The following FETUB variants were observed in gnomAD, a reference collection of about 807,000 sequenced individuals.
FETUB encodes fetuin-B.
A neutral mutation model predicts 30.9 loss-of-function variants in FETUB; 28 were observed. The observed-to-expected ratio is 0.90, with a 90% CI of 0.67 to 1.24. The LOEUF (loss-of-function observed/expected upper bound fraction) is 1.24, where lower values mean the gene tolerates loss of function less well. Among genes scored for constraint, FETUB ranks in the 50% most tolerant of loss-of-function variants. The pLI is 0.00. For missense variants in FETUB, 469 were observed against 455.3 expected (o/e 1.03, Z -0.27); for synonymous variants, 186 against 175.9 (o/e 1.06, Z -0.45).
intron 3 of FETUB, among the ~76,000 whole-genome samples, chr3:186,644,181 C>A (rs1483403179): frequency 6.6e-6 from 1 of 152,144 alleles, no homozygotes; most frequent in Non-Finnish European, 1.5e-5. Context: ...TAACTGTAGT[C>A]ATCCTACAGT....
Position 186,651,430 on chromosome 3 carries a change from G to A in FETUB, c.780+129G>A, listed in dbSNP as rs878872488. The A allele has an allele frequency of 1.2e-5, 8 of 682,806 alleles. No individual in the cohort carries two copies. The Admixed American group carries it at 1.5e-4, about 13-fold the overall frequency. 42.3% of individuals were successfully genotyped at this position (682,806 alleles called of 1,614,324 possible). ...CTCACCACTTTGCGCAGGCTAGCCT[G>A]AGTCCACATCCACAGGATAGCCAGT... On this transcript the variant is annotated intron_variant, in intron 6 of 6. Transcript: ENST00000265029.
chr3:186,642,619 G>A, intron 3 of FETUB, 61 bp downstream of exon 3: 1 of 1,009,090 alleles, frequency 9.9e-7, no homozygotes, highest in Non-Finnish European at 1.6e-6. Flanking sequence ...ACTTAACCAG[G>A]TCTTTGCCAA....
chr3:186,652,774 A>G lies in FETUB; in HGVS notation c.*143A>G, dbSNP rs1469158669. 9.2e-6 allele frequency: 9 copies of G among 980,826 alleles called. No individual in the cohort carries two copies. The highest frequency in any genetic ancestry group is 4.4e-6 in the Non-Finnish European group (3 of 687,430). The allele number at this position is 980,826 out of a possible 1,614,324, so 60.8% of individuals were successfully genotyped here. A position where few individuals can be genotyped will look rare whatever the true frequency, so the allele number is the denominator to read the frequency against. The stretch of plus-strand genomic sequence containing the variant: ...GACTCTTCTTGGTCTCAGCATGTTG[A>G]CTGGGATTGGAAATAATGAGACTGA... On this transcript the variant is annotated 3_prime_UTR_variant, in exon 7 of 7. Coordinates refer to ENST00000265029, the MANE Select transcript of FETUB (RefSeq NM_014375.3).
intron 6 of FETUB, chr3:186,652,006 G>A (rs997956758): frequency 1.8e-5 from 5 of 270,986 alleles, no homozygotes; most frequent in African/African-American, 4.4e-5. Flanking sequence ...CTTCGAGTGA[G>A]TCATTGAACC....
At chr3:186,651,443 C>A in intron 6 of FETUB, 142 bp downstream of exon 6, 1 of 651,172 alleles carries the variant, frequency 1.5e-6, no homozygotes, top group South Asian at 1.8e-5. Flanking sequence ...TCCACATCCA[C>A]AGGATAGCCA....
intron 5 of FETUB, among the ~76,000 whole-genome samples, chr3:186,650,020 G>A (rs1337572881): frequency 1.3e-5 from 2 of 151,574 alleles, no homozygotes; most frequent in East Asian, 3.9e-4. Context: ...GTGTGTGTGT[G>A]CACACACACA....
intron 6 of FETUB, 84 bp from the exon 7 acceptor site, chr3:186,652,179 A>G (rs1718099109): frequency 6.9e-7 from 1 of 1,440,776 alleles, no homozygotes; most frequent in Non-Finnish European, 9.3e-7. Context: ...TTCCAACAGA[A>G]AGGCACAGAT....
chr3:186,638,048 A>G (rs1716826303), upstream of FETUB, among the ~76,000 whole-genome samples: 1 of 152,254 alleles, frequency 6.6e-6, no homozygotes, highest in Non-Finnish European at 1.5e-5. Flanking sequence ...TGTTAATCAC[A>G]TATTGAAATT....
At position 186,652,250 on chromosome 3, in the gene FETUB, G is replaced by T. The variant is rs745492801; in HGVS notation, c.781-13G>T. The T allele has an allele frequency of 1.3e-6, 2 of 1,533,548 alleles. No individual in the cohort carries two copies. Among genetic ancestry groups the T allele is most frequent in the Non-Finnish European group, 1.7e-6 (2 of 1,145,314 alleles). The allele number at this position is 1,533,548 out of a possible 1,614,324, so 95.0% of individuals were successfully genotyped here. On this transcript the variant is annotated splice_polypyrimidine_tract_variant and intron_variant, in intron 6 of 6. Coordinates refer to ENST00000265029, the MANE Select transcript of FETUB (RefSeq NM_014375.3). ...CCTGTGGAACTCTACATTCAAAAAT[G>T]TTCTCATTCCAGGCTCCAGCCACTG... is the stretch of plus-strand genomic sequence containing the variant.
intron 5 of FETUB, among the ~76,000 whole-genome samples, chr3:186,648,956 C>T (rs1285869898): frequency 6.6e-6 from 1 of 152,164 alleles, no homozygotes; most frequent in Non-Finnish European, 1.5e-5. Flanking sequence ...CTTTTTACTT[C>T]TCCCTTTTAA....
intron 1 of FETUB, 73 bp downstream of exon 1, chr3:186,640,758 C>A: frequency 8.3e-7 from 1 of 1,210,962 alleles, no homozygotes; most frequent in South Asian, 1.2e-5. Flanking sequence ...GTGAGGGAAC[C>A]CAGAGACACC....
chr3:186,639,443 A>G (rs1401088989), upstream of FETUB, among the ~76,000 whole-genome samples: 1 of 152,124 alleles, frequency 6.6e-6, no homozygotes, highest in African/African-American at 2.4e-5. Context: ...GTAGGGAGAG[A>G]GTTAGGGGGT....
intron 3 of FETUB, among the ~76,000 whole-genome samples, 193 bp from the exon 4 acceptor site, chr3:186,644,556 CTT>C (rs768533002): frequency 6.6e-6 from 1 of 152,058 alleles, no homozygotes; most frequent in Non-Finnish European, 1.5e-5. Flanking sequence ...GAGGTGAAAA[CTT>C]TGCTTTGTTC....
upstream of FETUB, chr3:186,640,271 A>C: frequency 1.6e-6 from 1 of 606,678 alleles, no homozygotes; most frequent in Non-Finnish European, 2.9e-6. Context: ...CAAGGGTCTA[A>C]GGTTAGAATC....
In FETUB at chr3:186,641,060, C is replaced by G; in HGVS notation, c.256C>G (p.Leu86Val). 1 of 1,613,710 alleles carries G rather than the reference C, an allele frequency of 6.2e-7. No individual in the cohort carries two copies. Residue 86 changes from leucine (L) to valine (V), a missense_variant, in exon 2 of 7, where the codon CTG becomes GTG. Transcript: ENST00000265029. ...CCTGGGATCTCTGTTCTATCTTACA[C>G]TGGATGTGCTAGAGACTGACTGCCA... The part of the protein sequence containing the change: ...GGLGSLFYLT[L>V]DVLETDCHVL...
chr3:186,636,292 G>A (rs1322087406), upstream of FETUB: 1 of 152,244 alleles, frequency 6.6e-6, no homozygotes, highest in African/African-American at 2.4e-5. Flanking sequence ...AATTTCTTTG[G>A]TGAGGTACTA....
intron 6 of FETUB, chr3:186,651,858 C>T (rs1370013720): frequency 1.2e-5 from 2 of 171,472 alleles, no homozygotes; most frequent in Non-Finnish European, 2.5e-5. Flanking sequence ...TGCGACACTG[C>T]ATCATTCAGA....
intron 4 of FETUB, among the ~76,000 whole-genome samples, chr3:186,645,841 C>T (rs1717477042): frequency 6.6e-6 from 1 of 150,500 alleles, no homozygotes; most frequent in Admixed American, 6.6e-5. Context: ...ATTCTCCTGC[C>T]TCTGCCTCCC....
intron 2 of FETUB, 76 bp downstream of exon 2, chr3:186,641,216 G>A (rs890267953): frequency 1.3e-5 from 11 of 851,408 alleles, no homozygotes; most frequent in African/African-American, 1.2e-4. Flanking sequence ...AGGGTCAAGG[G>A]TGCTCAATAT....
Sources: allele counts gnomAD v4.1 joint callset (sites outside exome capture counted in the v4.1 genomes callset), GRCh38; gene constraint gnomAD v4.1.1; transcripts MANE v1.5; gene names NCBI Gene and HGNC (gene_info 2026-07-23, HGNC 2026-07-21).